The following SIPA1 variants were observed in gnomAD, a reference collection of about 807,000 sequenced individuals.
SIPA1 encodes signal-induced proliferation-associated protein 1.
SIPA1 carries 51 observed loss-of-function variants against 88.1 expected under a neutral mutation model. That is an observed-to-expected ratio of 0.58 (90% confidence interval 0.46 to 0.73). The LOEUF (loss-of-function observed/expected upper bound fraction) is 0.73. SIPA1 is among the 30% of genes least tolerant of loss of function. The pLI is 0.00. For synonymous variants in SIPA1, 681 were observed against 664.8 expected, an observed-to-expected ratio of 1.02 and a Z score of -0.37; for missense variants, 1,348 against 1,467.6, an observed-to-expected ratio of 0.92 and a Z score of 1.33.
rs1166578727 is a variant in SIPA1 at position 65,650,332 on chromosome 11, G to T, written c.2904-69G>T. The T allele has an allele frequency of 1.9e-6, 3 of 1,567,482 alleles. No individual in the cohort carries two copies. In the African/African-American group the frequency reaches 4.1e-5, roughly 21 times the overall value. On this transcript the variant is annotated intron_variant, in intron 14 of 15. Transcript: ENST00000534313. ...CCAGCGGGGCCCCTCTCATTAGCTG[G>T]GGCTGGGAGTCAGCTGGTGCACTGC...
At chr11:65,648,970 C>G (rs1038972291) in intron 9 of SIPA1, among the ~76,000 whole-genome samples, 1 of 152,174 alleles carries the variant, frequency 6.6e-6, no homozygotes, top group Non-Finnish European at 1.5e-5. Context: ...GCAATTTACA[C>G]GTGTTATTTA....
Position 65,650,698 on chromosome 11 carries a change from A to G in SIPA1, c.3112A>G (p.Thr1038Ala). 1 of 1,579,878 alleles carries G rather than the reference A, an allele frequency of 6.3e-7. No individual in the cohort carries two copies. The highest frequency in any genetic ancestry group is 8.6e-7 in the Non-Finnish European group (1 of 1,163,046). The change falls in exon 16 of 16, where the codon ACC (threonine) becomes GCC (alanine). Residue 1038 changes from threonine to alanine, a missense_variant. This residue lies in a region of SIPA1 where 615 missense variants were observed against 559.8 expected (regional missense o/e 1.10). Coordinates refer to ENST00000534313, the MANE Select transcript of SIPA1 (RefSeq NM_006747.4). ...LLASKQLGSPTADLA is the reference protein window; with the variant it reads ...LLASKQLGSPAADLA ...GGCCTCCAAGCAGCTGGGCTCACCCACCGCCGACCTGGCCTGAGCCGTCTG... is the reference window on the plus strand; with the variant it reads ...GGCCTCCAAGCAGCTGGGCTCACCCGCCGCCGACCTGGCCTGAGCCGTCTG...
At chr11:65,643,670 G>T (rs908456129) in intron 4 of SIPA1, among the ~76,000 whole-genome samples, 19 of 152,352 alleles carry the variant, frequency 1.2e-4, no homozygotes, top group Admixed American at 4.6e-4. Context: ...CTTGGCCAGG[G>T]TTTTCCAGCA....
At position 65,646,997 on chromosome 11, in the gene SIPA1, G is replaced by C; in HGVS notation, c.1963G>C (p.Glu655Gln). The change falls in exon 8 of 16, where the codon GAG becomes CAG. Residue 655 changes from glutamate (E) to glutamine (Q), a missense_variant. By Grantham distance (29) the Glu-to-Gln change is conservative. Around this residue, in one of 4 missense-constraint regions of SIPA1, gnomAD observed 615 missense variants for 559.8 expected, o/e 1.10. Transcript: ENST00000534313. The surrounding 1 kb of genome is among the most constrained non-coding windows in gnomAD (Gnocchi z 7.5). ...GCTGGACCTGTACCACGGCCGCGGG[G>C]AGGCGATCACGCTGCGCTTCGACGG... ...QQLDLYHGRG[E>Q]AITLRFDGSP... 6.5e-7 allele frequency: 1 copy of C among 1,540,634 alleles called. No individual in the cohort carries two copies. Among genetic ancestry groups the C allele is most frequent in the African/African-American group, 1.4e-5 (1 of 73,360 alleles).
chr11:65,646,460 G>A lies in SIPA1; in HGVS notation c.1426G>A (p.Ala476Thr). ...CTAACGCCTCCCTCCCCGCAGGGTGGCCGTGAGCCGCACCCAGGACACCCC... is the reference window on the plus strand; with the variant it reads ...CTAACGCCTCCCTCCCCGCAGGGTGACCGTGAGCCGCACCCAGGACACCCC... ...PCTPHTTYRV[A>T]VSRTQDTPAF... The change falls in exon 8 of 16, where the codon GCC becomes ACC. Residue 476 changes from alanine (A) to threonine (T), a missense_variant. Around this residue, in one of 4 missense-constraint regions of SIPA1, gnomAD observed 641 missense variants for 797.7 expected, o/e 0.80. Coordinates refer to ENST00000534313, the MANE Select transcript of SIPA1 (RefSeq NM_006747.4). The surrounding 1 kb of genome is among the most constrained non-coding windows in gnomAD (Gnocchi z 7.5). The A allele has an allele frequency of 6.3e-7, 1 of 1,583,604 alleles. No individual in the cohort carries two copies. The highest frequency in any genetic ancestry group is 8.5e-7 in the Non-Finnish European group (1 of 1,169,924).
At chr11:65,648,453 G>A (rs183955473) in intron 9 of SIPA1, among the ~76,000 whole-genome samples, 10 of 152,228 alleles carry the variant, frequency 6.6e-5, no homozygotes, top group African/African-American at 1.2e-4. Context: ...CCTGTGTCTC[G>A]CTAAAACTTT....
In SIPA1 at chr11:65,650,439, T is replaced by TG; in HGVS notation, c.2944dup (p.Glu982GlyfsTer40). 1 of 1,614,120 alleles carries TG rather than the reference T, an allele frequency of 6.2e-7. No individual in the cohort carries two copies. Among genetic ancestry groups the TG allele is most frequent in the Admixed American group, 1.7e-5 (1 of 60,014 alleles). On this transcript the variant is annotated frameshift_variant, in exon 15 of 16. Transcript: ENST00000534313. LOFTEE classifies it high-confidence loss of function. ...AACCTCTCAGAGAAGGTCTCTCACT[T>TG]GGAGTCCATGCTCAGGAAGCTGCAG...
At chr11:65,649,714 G>A (rs749585415) in intron 11 of SIPA1, 42 bp downstream of exon 11, 1 of 1,614,070 alleles carries the variant, frequency 6.2e-7, no homozygotes, top group Admixed American at 1.7e-5. Flanking sequence ...GCACAGTGGT[G>A]ACAGTGGGCA....
rs1303044638 is a variant in SIPA1 at position 65,647,504 on chromosome 11, G to A, written c.2152G>A (p.Glu718Lys). The A allele has an allele frequency of 7.8e-6, 11 of 1,411,736 alleles. No homozygotes were observed. Among genetic ancestry groups the A allele is most frequent in the Admixed American group, 3.0e-5 (1 of 33,082 alleles). The allele number at this position is 1,411,736 out of a possible 1,614,324, so 87.5% of individuals were successfully genotyped here. A position where few individuals can be genotyped will look rare whatever the true frequency, so the allele number is the denominator to read the frequency against. ...GCACGTGGAGCGCTTCACATTCGCC[G>A]AGACGGCGGGGCTGCGGCCCGGGGC... The part of the protein sequence containing the change: ...VTHVERFTFA[E>K]TAGLRPGARL... Residue 718 changes from glutamate to lysine, a missense_variant, in exon 9 of 16, where the codon GAG (glutamate) becomes AAG (lysine). Transcript: ENST00000534313.
intron 1 of SIPA1, chr11:65,638,438 C>T: frequency 6.5e-6 from 1 of 153,018 alleles, no homozygotes; most frequent in Non-Finnish European, 1.5e-5. Flanking sequence ...GAAGCGGCGG[C>T]TCCTGACTCC....
chr11:65,649,979 G>A lies in SIPA1; in HGVS notation c.2776G>A (p.Glu926Lys). ...GTCGGAGGCGGGCAGTGGGACCCTG[G>A]AGGACGAGTGGCAGGCCATCTCGGA... ...IMSEAGSGTLEDEWQAISEIA... is the reference protein window; with the variant it reads ...IMSEAGSGTLKDEWQAISEIA... The change falls in exon 13 of 16, where the codon GAG becomes AAG. Residue 926 changes from glutamate (E) to lysine (K), a missense_variant. Transcript: ENST00000534313. 5 of 1,614,062 alleles carry A rather than the reference G, an allele frequency of 3.1e-6. No individual in the cohort carries two copies. The highest frequency in any genetic ancestry group is 3.4e-6 in the Non-Finnish European group (4 of 1,180,014).
rs781596920 is a variant in SIPA1, at chr11:65,644,972, G to C, written c.1002G>C (p.Lys334Asn). The change falls in exon 5 of 16, where the codon AAG (lysine) becomes AAC (asparagine). Residue 334 changes from lysine to asparagine, a missense_variant. Lys to Asn is a moderately conservative substitution (Grantham distance 94, BLOSUM62 0). Around this residue, in one of 4 missense-constraint regions of SIPA1, gnomAD observed 641 missense variants for 797.7 expected, o/e 0.80. Coordinates refer to ENST00000534313, the MANE Select transcript of SIPA1 (RefSeq NM_006747.4). ...LDEQVLSFQRKVGILYCRAGQ... is the reference protein window; with the variant it reads ...LDEQVLSFQRNVGILYCRAGQ... ...ACCCACAGCTGAGCTTCCAACGCAA[G>C]GTGGGCATCCTGTACTGCCGGGCGG... 9.3e-6 allele frequency: 15 copies of C among 1,613,302 alleles called. No individual in the cohort carries two copies. Among genetic ancestry groups the C allele is most frequent in the Non-Finnish European group, 1.3e-5 (15 of 1,179,532 alleles).
Position 65,640,856 on chromosome 11 carries a change from G to C in SIPA1, c.-66G>C. ...GGCAGGAACTGCTGCCACAACCTCA[G>C]GCTGGGCACCAAACACCCGTGCCCG... On this transcript the variant is annotated 5_prime_UTR_variant, in exon 2 of 16. Transcript: ENST00000534313. The C allele has an allele frequency of 1.5e-6, 2 of 1,373,336 alleles. No homozygotes were observed. The highest frequency in any genetic ancestry group is 1.9e-6 in the Non-Finnish European group (2 of 1,046,604). 85.1% of individuals were successfully genotyped at this position (1,373,336 alleles called of 1,614,324 possible).
intron 4 of SIPA1, among the ~76,000 whole-genome samples, chr11:65,643,423 C>T (rs1300392022): frequency 6.6e-6 from 1 of 152,222 alleles, no homozygotes; most frequent in Non-Finnish European, 1.5e-5. Context: ...TGAGTCTTCT[C>T]CTCTGTATCA....
Position 65,650,601 on chromosome 11 carries a change from G to T in SIPA1, c.3015G>T (p.Glu1005Asp). 1 of 1,589,334 alleles carries T rather than the reference G, an allele frequency of 6.3e-7. No individual in the cohort carries two copies. The highest frequency in any genetic ancestry group is 8.6e-7 in the Non-Finnish European group (1 of 1,167,648). ...EKADRAALEEEVRSLRHNNRR... is the reference protein window; with the variant it reads ...EKADRAALEEDVRSLRHNNRR... ...CGGACAGGGCGGCCCTGGAGGAGGAGGTGCGGAGCCTGAGACACAACAACC... is the reference window on the plus strand; with the variant it reads ...CGGACAGGGCGGCCCTGGAGGAGGATGTGCGGAGCCTGAGACACAACAACC... The change falls in exon 16 of 16, where the codon GAG becomes GAT. Residue 1005 changes from glutamate to aspartate, a missense_variant. Glu to Asp is a conservative substitution (Grantham distance 45, BLOSUM62 2). Coordinates refer to ENST00000534313, the MANE Select transcript of SIPA1 (RefSeq NM_006747.4).
chr11:65,643,785 T>G (rs1263034644), intron 4 of SIPA1, among the ~76,000 whole-genome samples: 1 of 151,782 alleles, frequency 6.6e-6, no homozygotes. Context: ...CATTAGGCAG[T>G]CAGTTCAGCG....
intron 2 of SIPA1, among the ~76,000 whole-genome samples, chr11:65,641,830 T>C (rs1406255095): frequency 6.6e-6 from 1 of 152,204 alleles, no homozygotes; most frequent in African/African-American, 2.4e-5. Flanking sequence ...TGCCTCCGTA[T>C]TGGTTCATCC....
At position 65,649,872 on chromosome 11, in the gene SIPA1, C is replaced by G. The variant is rs773981151; in HGVS notation, c.2746+7C>G. On this transcript the variant is annotated splice_region_variant and intron_variant, in intron 12 of 15. Coordinates refer to ENST00000534313, the MANE Select transcript of SIPA1 (RefSeq NM_006747.4). ...CGGAACTCCATCAGCAGGAGTGAGTCTGGACCCAGGAGAGCAGGGGAGGGG... is the reference window on the plus strand; with the variant it reads ...CGGAACTCCATCAGCAGGAGTGAGTGTGGACCCAGGAGAGCAGGGGAGGGG... 4.3e-6 allele frequency: 7 copies of G among 1,613,820 alleles called. No individual in the cohort carries two copies. In the East Asian group the frequency reaches 1.3e-4, roughly 31 times the overall value.
Position 65,650,667 on chromosome 11 carries a change from C to A in SIPA1, c.3081C>A (p.Leu1027=). ...AGTCTGAGAGTGCAGCCACACGCCT[C>A]CTCCTGGCCTCCAAGCAGCTGGGCT... is the stretch of plus-strand genomic sequence containing the variant. ...QAESESAATR[L]LLASKQLGSP... The change falls in exon 16 of 16, where the codon CTC becomes CTA. Residue 1027 remains leucine (L), a synonymous_variant. Transcript: ENST00000534313. 6.3e-7 allele frequency: 1 copy of A among 1,576,830 alleles called. No individual in the cohort carries two copies. The highest frequency in any genetic ancestry group is 2.3e-5 in the East Asian group (1 of 42,956).
Sources: gnomAD v4.1 joint callset for allele counts (sites outside exome capture counted in the v4.1 genomes callset) on GRCh38, gnomAD v4.1.1 for gene constraint, gnomAD v4.1.1 regional missense constraint, Gnocchi (gnomAD v3.1) non-coding constraint, MANE v1.5 for transcripts, NCBI Gene and HGNC (gene_info 2026-07-23, HGNC 2026-07-21) for gene names.